The following BAHD1 variants were observed in gnomAD, a reference collection of about 807,000 sequenced individuals.
The protein encoded by BAHD1 is bromo adjacent homology domain containing 1.
Under a neutral mutation model 63.1 loss-of-function variants are expected in BAHD1, and 20 were observed. The observed-to-expected ratio is 0.32, with a 90% CI of 0.22 to 0.46. BAHD1 has a LOEUF of 0.46. BAHD1 is among the 20% of genes least tolerant of loss of function. The pLI is 1.00. For missense variants in BAHD1, 939 were observed against 1,071.8 expected (o/e 0.88, Z 1.73); for synonymous variants, 408 against 426.8 (o/e 0.96, Z 0.54).
chr15:40,448,421 C>T (rs1893607471), intron 1 of BAHD1, among the ~76,000 whole-genome samples: 1 of 152,168 alleles, frequency 6.6e-6, no homozygotes. Context: ...AGTTATCTTG[C>T]ATCTTGGTCT....
upstream of BAHD1, among the ~76,000 whole-genome samples, chr15:40,437,530 C>G (rs1893297376): frequency 6.6e-6 from 1 of 152,230 alleles, no homozygotes; most frequent in African/African-American, 2.4e-5. Context: ...TGTCCCTCCC[C>G]CAAAGAGCTG....
intron 2 of BAHD1, 81 bp downstream of exon 2, chr15:40,459,977 G>A (rs187804665): frequency 2.7e-6 from 4 of 1,458,926 alleles, no homozygotes; most frequent in African/African-American, 1.4e-5. Context: ...GATCTGAGCA[G>A]GGGTCTCCCT....
At chr15:40,464,084 A>T in intron 4 of BAHD1, 64 bp downstream of exon 4, 1 of 1,566,588 alleles carries the variant, frequency 6.4e-7, no homozygotes, top group Non-Finnish European at 8.7e-7. Flanking sequence ...TAGTCCCCAG[A>T]TTGGCCCCTG....
chr15:40,449,875 A>T lies in BAHD1; in HGVS notation c.-14-8576A>T, dbSNP rs188517518. ...GTAATGAAGGAGGGTTGTGCCATGA[A>T]AATACAAGAGATTTCCTATTGTAAC... On this transcript the variant is annotated intron_variant, in intron 1 of 6. Coordinates refer to ENST00000416165, the MANE Select transcript of BAHD1 (RefSeq NM_014952.5). Among the ~76,000 whole-genome samples the T allele has an allele frequency of 4.3e-4, 65 of 152,054 alleles. No homozygotes were observed. The East Asian group carries it at 0.011, about 26-fold the overall frequency.
Position 40,464,475 on chromosome 15 carries a change from G to A in BAHD1, c.1980G>A (p.Glu660=), listed in dbSNP as rs1002633423. ...ACCACTGTGTTGTCCTTCCAGGAGA[G>A]CTGATGATGAGCCTCCTGTGGTATT... ...SALWENPESG[E]LMMSLLWYYR... Residue 660 remains glutamate (E), a synonymous_variant, in exon 5 of 7, where the codon GAG becomes GAA. Transcript: ENST00000416165. The A allele has an allele frequency of 8.7e-6, 14 of 1,612,692 alleles. No homozygotes were observed. The highest frequency in any genetic ancestry group is 1.2e-5 in the Non-Finnish European group (14 of 1,179,396).
At chr15:40,463,761 C>CT in intron 3 of BAHD1, 100 bp from the exon 4 acceptor site, 1 of 1,357,270 alleles carries the variant, frequency 7.4e-7, no homozygotes, top group Non-Finnish European at 1.0e-6. Context: ...AGTGGTTTGA[C>CT]TATCTTGAGG....
At chr15:40,448,512 C>A (rs986217967) in intron 1 of BAHD1, among the ~76,000 whole-genome samples, 1 of 150,872 alleles carries the variant, frequency 6.6e-6, no homozygotes, top group Non-Finnish European at 1.5e-5. Flanking sequence ...GGTGTAGATG[C>A]CAGGATGGCT....
chr15:40,466,844 G>C lies in BAHD1; in HGVS notation c.*714G>C, dbSNP rs1393435719. On this transcript the variant is annotated 3_prime_UTR_variant, in exon 7 of 7. Transcript: ENST00000416165. Reference sequence around the variant, plus strand: ...GCCACCCAGCGGGTCTGGCTTCCCAGAAAGTTAACTGATGATTGTGGGGTT... The same window carrying C: ...GCCACCCAGCGGGTCTGGCTTCCCACAAAGTTAACTGATGATTGTGGGGTT... The C allele has an allele frequency of 6.6e-6, 1 of 152,388 alleles. No individual in the cohort carries two copies. Among genetic ancestry groups the C allele is most frequent in the African/African-American group, 2.4e-5 (1 of 41,462 alleles). 9.4% of individuals were successfully genotyped at this position (152,388 alleles called of 1,614,324 possible).
At position 40,461,989 on chromosome 15, in the gene BAHD1, C is replaced by T. The variant is rs1355745272; in HGVS notation, c.1510C>T (p.Leu504=). ...GHPASPAHPL[L]GCPVPSVPPA... ...CCCAGCCTCACCCGCCCACCCACTC[C>T]TGGGGTGCCCTGTACCCAGTGTGCC... Residue 504 remains leucine, a synonymous_variant, in exon 3 of 7, where the codon CTG becomes TTG. Coordinates refer to ENST00000416165, the MANE Select transcript of BAHD1 (RefSeq NM_014952.5). 1 of 1,613,790 alleles carries T rather than the reference C, an allele frequency of 6.2e-7. No homozygotes were observed. Among genetic ancestry groups the T allele is most frequent in the Admixed American group, 1.7e-5 (1 of 60,010 alleles).
At chr15:40,463,130 T>C (rs1268289832) in intron 3 of BAHD1, among the ~76,000 whole-genome samples, 3 of 152,140 alleles carry the variant, frequency 2.0e-5, no homozygotes, top group Non-Finnish European at 2.9e-5. Flanking sequence ...AGCAAGATCC[T>C]GTCTACAGAA....
At chr15:40,446,821 G>T (rs566966960) in intron 1 of BAHD1, among the ~76,000 whole-genome samples, 2 of 152,120 alleles carry the variant, frequency 1.3e-5, no homozygotes, top group African/African-American at 4.8e-5. Context: ...TCTTTCTGCC[G>T]TTCTCTTGAC....
At chr15:40,448,947 G>A (rs951535688) in intron 1 of BAHD1, among the ~76,000 whole-genome samples, 2 of 151,790 alleles carry the variant, frequency 1.3e-5, no homozygotes, top group South Asian at 2.1e-4. Flanking sequence ...TGGGATTACA[G>A]GTATGTGCCA....
At chr15:40,462,355 C>T (rs1894076019) in intron 3 of BAHD1, 61 bp downstream of exon 3, 2 of 1,543,598 alleles carry the variant, frequency 1.3e-6, no homozygotes, top group African/African-American at 1.4e-5. Context: ...ACATGACCTG[C>T]AGTGAGGTAG....
Position 40,458,758 on chromosome 15 carries a change from G to T in BAHD1, c.294G>T (p.Lys98Asn). ...ATGAGCTACCGCCTGACCTGCCCAA[G>T]CCCCCCAGCCCGGCCCCATCCAGTG... ...EADELPPDLP[K>N]PPSPAPSSED... The change falls in exon 2 of 7, where the codon AAG (lysine) becomes AAT (asparagine). Residue 98 changes from lysine (K) to asparagine (N), a missense_variant. Physicochemically the swap from Lys to Asn is moderately conservative, Grantham distance 94. Transcript: ENST00000416165. This position sits in a 1 kb window ranked among gnomAD's most constrained non-coding sequence, Gnocchi z 4.7. 1 of 1,613,166 alleles carries T rather than the reference G, an allele frequency of 6.2e-7. No individual in the cohort carries two copies. Among genetic ancestry groups the T allele is most frequent in the East Asian group, 2.2e-5 (1 of 44,880 alleles).
chr15:40,445,603 G>A lies in BAHD1; in HGVS notation c.-15+4335G>A, dbSNP rs184295245. ...AAAAAGTCTCTGGAGTTGAGAAGTA[G>A]CCTGTGTTGAACTAAGGCTGCCAGG... On this transcript the variant is annotated intron_variant, in intron 1 of 6. Transcript: ENST00000416165. 2.5e-3 allele frequency among the ~76,000 whole-genome samples: 380 copies of A among 152,342 alleles called. 1 individual carries two copies. The highest frequency in any genetic ancestry group is 3.7e-3 in the Non-Finnish European group (254 of 68,040).
upstream of BAHD1, among the ~76,000 whole-genome samples, chr15:40,439,519 T>C (rs1370205745): frequency 1.3e-5 from 2 of 152,188 alleles, no homozygotes; most frequent in African/African-American, 4.8e-5. Flanking sequence ...AAGGCTGGGT[T>C]TTCCTTGCTT....
rs1227640229 is a variant in BAHD1, at chr15:40,458,906, G to A, written c.442G>A (p.Ala148Thr). The A allele has an allele frequency of 6.3e-7, 1 of 1,598,312 alleles. No individual in the cohort carries two copies. Among genetic ancestry groups the A allele is most frequent in the African/African-American group, 1.3e-5 (1 of 74,738 alleles). ...CCTGGCAGGCACCCGCCGCAGTCGA[G>A]CAGGGGATCCCCACCGCAGCCGTGA... Reference protein sequence around the residue: ...SSLAGTRRSRAGDPHRSRDRD... With the variant: ...SSLAGTRRSRTGDPHRSRDRD... The change falls in exon 2 of 7, where the codon GCA becomes ACA. Residue 148 changes from alanine (A) to threonine (T), a missense_variant. Physicochemically the swap from Ala to Thr is moderately conservative, Grantham distance 58. Around this residue, in one of 5 missense-constraint regions of BAHD1, gnomAD observed 797 missense variants for 813.3 expected, o/e 0.98. Coordinates refer to ENST00000416165, the MANE Select transcript of BAHD1 (RefSeq NM_014952.5). This position sits in a 1 kb window ranked among gnomAD's most constrained non-coding sequence, Gnocchi z 4.7.
intron 1 of BAHD1, among the ~76,000 whole-genome samples, chr15:40,442,015 C>T (rs1239966332): frequency 6.6e-6 from 1 of 151,974 alleles, no homozygotes; most frequent in East Asian, 1.9e-4. Context: ...GGGGCGGCGG[C>T]CGAGTCCGAG....
intron 1 of BAHD1, chr15:40,443,244 A>G: frequency 1.0e-6 from 1 of 985,080 alleles, no homozygotes; most frequent in Non-Finnish European, 1.2e-6. Flanking sequence ...TGGGCATGGG[A>G]GTTTATTCAT....
Sources: allele counts gnomAD v4.1 joint callset (sites outside exome capture counted in the v4.1 genomes callset), GRCh38; gene constraint gnomAD v4.1.1; regional missense constraint gnomAD v4.1.1; non-coding constraint Gnocchi (gnomAD v3.1); transcripts MANE v1.5; gene names NCBI Gene and HGNC (gene_info 2026-07-23, HGNC 2026-07-21).